The following ZNF385B variants were observed in gnomAD, a reference collection of about 807,000 sequenced individuals.
ZNF385B encodes the protein zinc finger protein 533.
ZNF385B carries 23 observed loss-of-function variants against 39.2 expected under a neutral mutation model. The observed-to-expected ratio is 0.59, with a 90% CI of 0.42 to 0.83. The LOEUF (loss-of-function observed/expected upper bound fraction) is 0.83, where lower values mean the gene tolerates loss of function less well. Ranked by LOEUF, ZNF385B falls within the 40% of genes least tolerant of loss-of-function variation. The pLI is 0.00. For missense variants in ZNF385B, 552 were observed against 598.9 expected (o/e 0.92, Z 0.82); for synonymous variants, 205 against 222.6 (o/e 0.92, Z 0.70).
intron 3 of ZNF385B, among the ~76,000 whole-genome samples, chr2:179,698,855 A>G (rs1295218870): frequency 6.6e-6 from 1 of 152,198 alleles, no homozygotes; most frequent in Non-Finnish European, 1.5e-5. Flanking sequence ...TTAAACTACA[A>G]GTTCATGAAG....
intron 3 of ZNF385B, among the ~76,000 whole-genome samples, chr2:179,668,921 T>C (rs184658170): frequency 1.3e-5 from 2 of 152,288 alleles, no homozygotes; most frequent in East Asian, 1.9e-4. Context: ...AGGGGAAATA[T>C]TGATATAATT....
intron 3 of ZNF385B, among the ~76,000 whole-genome samples, chr2:179,587,657 C>T (rs1380309304): frequency 3.3e-5 from 5 of 151,652 alleles, no homozygotes; most frequent in Non-Finnish European, 7.4e-5. Context: ...GTACCATAAA[C>T]AAAAATAAAA....
intron 3 of ZNF385B, among the ~76,000 whole-genome samples, chr2:179,656,432 A>C (rs906532991): frequency 1.3e-5 from 2 of 152,194 alleles, no homozygotes; most frequent in African/African-American, 4.8e-5. Context: ...ATTTAAGTAT[A>C]TCTTGTCCTC....
At position 179,569,292 on chromosome 2, in the gene ZNF385B, T is replaced by C. The variant is rs577306689; in HGVS notation, c.299-24323A>G. Among the ~76,000 whole-genome samples, 23 of 152,324 alleles carry C rather than the reference T, an allele frequency of 1.5e-4. No homozygotes were observed. In the South Asian group the frequency reaches 4.6e-3, roughly 30 times the overall value. On this transcript the variant is annotated intron_variant, in intron 3 of 9. Transcript: ENST00000410066. ...AATAAAATATCTTTTGCACCATCCATAGCATACAAGAAAAATTGCTTATCA... is the reference window on the plus strand; with the variant it reads ...AATAAAATATCTTTTGCACCATCCACAGCATACAAGAAAAATTGCTTATCA...
intron 3 of ZNF385B, among the ~76,000 whole-genome samples, chr2:179,687,160 C>T (rs1415492778): frequency 6.6e-6 from 1 of 151,108 alleles, no homozygotes; most frequent in Non-Finnish European, 1.5e-5. Flanking sequence ...TGCTTGAGTG[C>T]AGTCCAGCAC....
intron 1 of ZNF385B, among the ~76,000 whole-genome samples, chr2:179,821,603 C>A (rs888360909): frequency 6.6e-6 from 1 of 152,054 alleles, no homozygotes; most frequent in Admixed American, 6.6e-5. Flanking sequence ...TGACAGAGAT[C>A]TAAATAAGAA....
chr2:179,516,287 T>C (rs2058084957), intron 5 of ZNF385B, among the ~76,000 whole-genome samples: 1 of 152,168 alleles, frequency 6.6e-6, no homozygotes, highest in Admixed American at 6.5e-5. Context: ...GGGATATACT[T>C]AGAAGTGGGA....
At position 179,744,763 on chromosome 2, in the gene ZNF385B, T is replaced by A. The variant is rs73973718; in HGVS notation, c.298+24740A>T. Reference sequence around the variant, plus strand: ...TGCTTCCAATCAAAGAAAAATAGATTCCCCTGCCAACCTAATATACTAAAC... The same window carrying A: ...TGCTTCCAATCAAAGAAAAATAGATACCCCTGCCAACCTAATATACTAAAC... On this transcript the variant is annotated intron_variant, in intron 3 of 9. Coordinates refer to ENST00000410066, the MANE Select transcript of ZNF385B (RefSeq NM_152520.6). Among the ~76,000 whole-genome samples, 333 of 152,112 alleles carry A rather than the reference T, an allele frequency of 2.2e-3. 4 individuals carry two copies. Among genetic ancestry groups the A allele is most frequent in the African/African-American group, 7.7e-3 (320 of 41,514 alleles).
chr2:179,479,699 G>A (rs1378820443), intron 6 of ZNF385B, among the ~76,000 whole-genome samples: 1 of 152,000 alleles, frequency 6.6e-6, no homozygotes. Context: ...AATTAGCCTG[G>A]CTTAGTGGTG....
chr2:179,761,761 C>CTTTTTTTTTTTTTTTTTTTTTTTT (rs34325728), intron 3 of ZNF385B, among the ~76,000 whole-genome samples: 1 of 110,288 alleles, frequency 9.1e-6, no homozygotes, highest in Non-Finnish European at 1.8e-5. Context: ...TTTTTCTTTT[C>CTTTTTTTTTTTTTTTTTTTTTTTT]TTTTTTTTTT....
At chr2:179,462,746 A>C (rs767540567) in intron 6 of ZNF385B, among the ~76,000 whole-genome samples, 5 of 152,180 alleles carry the variant, frequency 3.3e-5, no homozygotes, top group African/African-American at 1.2e-4. Flanking sequence ...ATGGGACTAC[A>C]CCTATCTAAA....
intron 6 of ZNF385B, among the ~76,000 whole-genome samples, chr2:179,480,543 GTA>G (rs1220608504): frequency 5.3e-5 from 8 of 152,108 alleles, no homozygotes; most frequent in African/African-American, 1.9e-4. Flanking sequence ...AATACATTAG[GTA>G]TTACGTTGTT....
Position 179,741,554 on chromosome 2 carries a change from A to C in ZNF385B, c.298+27949T>G, listed in dbSNP as rs930536556. On this transcript the variant is annotated intron_variant, in intron 3 of 9. Transcript: ENST00000410066. ...GTAACATTCAGATCCAGGATAGAAC[A>C]TTCTGTTCTGTTCCAGTGTGGTTAA... 3.3e-5 allele frequency among the ~76,000 whole-genome samples: 5 copies of C among 152,094 alleles called. No individual in the cohort carries two copies. In the South Asian group the frequency reaches 8.3e-4, roughly 25 times the overall value.
At chr2:179,759,649 T>A (rs1317934856) in intron 3 of ZNF385B, among the ~76,000 whole-genome samples, 2 of 152,198 alleles carry the variant, frequency 1.3e-5, no homozygotes, top group Non-Finnish European at 2.9e-5. Context: ...AGTACTCATC[T>A]CAAAGATCAC....
At chr2:179,708,884 G>T (rs564740726) in intron 3 of ZNF385B, among the ~76,000 whole-genome samples, 1 of 152,298 alleles carries the variant, frequency 6.6e-6, no homozygotes, top group South Asian at 2.1e-4. Context: ...GCCCTGTATG[G>T]CCCCTGTGGA....
chr2:179,515,632 A>G (rs2058038533), intron 5 of ZNF385B, among the ~76,000 whole-genome samples: 1 of 152,194 alleles, frequency 6.6e-6, no homozygotes. Flanking sequence ...CTATTCTTAC[A>G]AAAGTCTTAT....
chr2:179,643,653 T>G (rs891423320), intron 3 of ZNF385B, among the ~76,000 whole-genome samples: 1 of 152,160 alleles, frequency 6.6e-6, no homozygotes, highest in Non-Finnish European at 1.5e-5. Flanking sequence ...TGTAACATTC[T>G]GGAAAAGGTA....
At chr2:179,457,795 T>C (rs1457741011) in intron 6 of ZNF385B, among the ~76,000 whole-genome samples, 3 of 152,200 alleles carry the variant, frequency 2.0e-5, no homozygotes, top group Non-Finnish European at 4.4e-5. Context: ...TTGTCAGATA[T>C]ACACATCACA....
chr2:179,790,659 A>G (rs1705271008), intron 1 of ZNF385B, among the ~76,000 whole-genome samples: 2 of 152,252 alleles, frequency 1.3e-5, no homozygotes, highest in Middle Eastern at 3.4e-3. Context: ...ACTACTCCCT[A>G]TTGTACCACT....
Sources: allele counts gnomAD v4.1 joint callset (sites outside exome capture counted in the v4.1 genomes callset), GRCh38; gene constraint gnomAD v4.1.1; transcripts MANE v1.5; gene names NCBI Gene and HGNC (gene_info 2026-07-23, HGNC 2026-07-21).